Variants in BRWD3 observed in about 807,000 individuals in gnomAD.
The protein encoded by BRWD3 is bromodomain and WD repeat-containing protein 3.
BRWD3 carries 10 observed loss-of-function variants against 149.7 expected under a neutral mutation model. The ratio of observed to expected loss-of-function variants is 0.07; its 90% CI spans 0.04 to 0.11. The LOEUF (loss-of-function observed/expected upper bound fraction) is 0.11. BRWD3 is among the 10% of genes least tolerant of loss of function. The probability of loss-of-function intolerance (pLI) is 1.00; values close to 1 mark genes in which losing one functional copy is unlikely to be tolerated. For missense variants in BRWD3, 940 were observed against 1,373.2 expected (o/e 0.68, Z 4.99); for synonymous variants, 504 against 456.7 (o/e 1.10, Z -1.32).
chrX:80,792,460 GT>G (rs1299775570), intron 5 of BRWD3, among the ~76,000 whole-genome samples: 3 of 111,618 alleles, frequency 2.7e-5, no homozygotes, highest in Non-Finnish European at 1.9e-5. Context: ...AAATAGCTGT[GT>G]TTTTTTCTCT....
chrX:80,786,914 T>G (rs1188334233), intron 6 of BRWD3, among the ~76,000 whole-genome samples: 1 of 111,044 alleles, frequency 9.0e-6, no homozygotes, highest in African/African-American at 3.3e-5. Flanking sequence ...AAGGAAAAAG[T>G]AAATCTGTCT....
intron 6 of BRWD3, among the ~76,000 whole-genome samples, chrX:80,770,908 A>G (rs2073936542): frequency 8.9e-6 from 1 of 112,101 alleles, no homozygotes; most frequent in Non-Finnish European, 1.9e-5. Flanking sequence ...GCAAAGTCTC[A>G]GGATACAAAA....
At chrX:80,684,996 A>G (rs952104333) in intron 36 of BRWD3, among the ~76,000 whole-genome samples, 1 of 111,669 alleles carries the variant, frequency 9.0e-6, no homozygotes, top group Non-Finnish European at 1.9e-5. Flanking sequence ...ATATTTTTCA[A>G]AGTATGAGAA....
intron 6 of BRWD3, among the ~76,000 whole-genome samples, chrX:80,767,227 G>A (rs950610233): frequency 8.9e-6 from 1 of 112,350 alleles, no homozygotes; most frequent in African/African-American, 3.2e-5. Flanking sequence ...TGAGCACAAA[G>A]AACCGACAAA....
At chrX:80,772,515 T>A (rs1457656714) in intron 6 of BRWD3, among the ~76,000 whole-genome samples, 1 of 110,492 alleles carries the variant, frequency 9.1e-6, no homozygotes, top group Non-Finnish European at 1.9e-5. Context: ...ATACCTAATG[T>A]AAATGACGAG....
chrX:80,680,090 T>G (rs184646927), intron 40 of BRWD3, among the ~76,000 whole-genome samples: 39 of 112,413 alleles, frequency 3.5e-4, no homozygotes, highest in Admixed American at 1.8e-3. Context: ...TAAATAACAA[T>G]GGATAAGCTA....
At chrX:80,713,631 A>G (rs1296624893) in intron 20 of BRWD3, among the ~76,000 whole-genome samples, 2 of 109,816 alleles carry the variant, frequency 1.8e-5, no homozygotes, top group Admixed American at 1.9e-4. Flanking sequence ...TCCCTCCACT[A>G]TTGTCCTATG....
At chrX:80,724,860 C>G in intron 15 of BRWD3, 73 bp downstream of exon 15, 1 of 1,131,906 alleles carries the variant, frequency 8.8e-7, no homozygotes, top group Non-Finnish European at 1.2e-6. Context: ...ACTAGGTATA[C>G]TTTAATTAAC....
intron 6 of BRWD3, among the ~76,000 whole-genome samples, chrX:80,767,641 G>C (rs986348255): frequency 9.0e-6 from 1 of 110,993 alleles, no homozygotes; most frequent in Non-Finnish European, 1.9e-5. Context: ...AAACCAGAGA[G>C]AAAATTATAA....
rs774847109 is a variant in BRWD3, at chrX:80,674,570, C to T, written c.*2039G>A. On this transcript the variant is annotated 3_prime_UTR_variant, in exon 41 of 41. Transcript: ENST00000373275. ...TCTAAATGCCCAAGAGATAAATAACCGAAACAGCACATTTTAGCAAAAATC... is the reference window on the plus strand; with the variant it reads ...TCTAAATGCCCAAGAGATAAATAACTGAAACAGCACATTTTAGCAAAAATC... 9.0e-6 allele frequency: 1 copy of T among 111,182 alleles called. No homozygotes were observed. Among genetic ancestry groups the T allele is most frequent in the South Asian group, 3.8e-4 (1 of 2,662 alleles). 9.2% of individuals were successfully genotyped at this position (111,182 alleles called of 1,213,427 possible). A position where few individuals can be genotyped will look rare whatever the true frequency, so the allele number is the denominator to read the frequency against.
At chrX:80,729,328 T>A (rs2073293628) in intron 13 of BRWD3, among the ~76,000 whole-genome samples, 1 of 111,664 alleles carries the variant, frequency 9.0e-6, no homozygotes, top group African/African-American at 3.2e-5. Context: ...TGTAATTAAA[T>A]ATGACATTAT....
intron 24 of BRWD3, among the ~76,000 whole-genome samples, chrX:80,702,646 A>T (rs1336704598): frequency 8.9e-6 from 1 of 111,884 alleles, no homozygotes; most frequent in Non-Finnish European, 1.9e-5. Flanking sequence ...ATATCTAAAG[A>T]TAATCAGCAG....
At position 80,723,728 on chromosome X, in the gene BRWD3, C is replaced by A; in HGVS notation, c.1650+20G>T. ...CACAATCCTAAATTATACTCTACAG[C>A]AAAATTTAAATATGCTAACCTTTTC... On this transcript the variant is annotated intron_variant, in intron 16 of 40. Coordinates refer to ENST00000373275, the MANE Select transcript of BRWD3 (RefSeq NM_153252.5). 4 of 1,208,096 alleles carry A rather than the reference C, an allele frequency of 3.3e-6. No homozygotes were observed. Among genetic ancestry groups the A allele is most frequent in the Non-Finnish European group, 4.5e-6 (4 of 892,530 alleles).
At chrX:80,785,961 G>A (rs191014218) in intron 6 of BRWD3, among the ~76,000 whole-genome samples, 4 of 112,037 alleles carry the variant, frequency 3.6e-5, no homozygotes, top group South Asian at 3.7e-4. Context: ...ACCCAGAAGC[G>A]GGGGTTGCAG....
At chrX:80,713,882 CAT>C (rs1051444281) in intron 20 of BRWD3, among the ~76,000 whole-genome samples, 4 of 111,597 alleles carry the variant, frequency 3.6e-5, no homozygotes, top group Non-Finnish European at 5.7e-5. Flanking sequence ...CCTTACAAAC[CAT>C]AGAGTCCCAT....
chrX:80,699,784 C>T (rs907083875), intron 25 of BRWD3, among the ~76,000 whole-genome samples, 173 bp downstream of exon 25: 1 of 111,459 alleles, frequency 9.0e-6, no homozygotes, highest in African/African-American at 3.3e-5. Flanking sequence ...TTTTGAGAAA[C>T]GTATAAAATG....
intron 23 of BRWD3, 24 bp from the exon 24 acceptor site, chrX:80,703,617 T>A (rs1362331455): frequency 1.9e-6 from 2 of 1,068,492 alleles, no homozygotes; most frequent in Non-Finnish European, 2.6e-6. Flanking sequence ...ACACGAAAAG[T>A]ATATGTATAA....
intron 6 of BRWD3, among the ~76,000 whole-genome samples, chrX:80,787,688 C>A (rs2074125441): frequency 9.0e-6 from 1 of 111,129 alleles, no homozygotes; most frequent in Non-Finnish European, 1.9e-5. Context: ...AAGAGAAAAT[C>A]TCTGTGAGCA....
chrX:80,690,596 T>C (rs941412220), intron 31 of BRWD3, among the ~76,000 whole-genome samples: 3 of 111,247 alleles, frequency 2.7e-5, no homozygotes, highest in Non-Finnish European at 3.8e-5. Flanking sequence ...GACCAAGATA[T>C]GCCCTCTACA....
Sources: allele counts gnomAD v4.1 joint callset (sites outside exome capture counted in the v4.1 genomes callset), GRCh38; gene constraint gnomAD v4.1.1; transcripts MANE v1.5; gene names NCBI Gene and HGNC (gene_info 2026-07-23, HGNC 2026-07-21).